The following ADGRV1 variants were observed in gnomAD, a reference collection of about 807,000 sequenced individuals.
The protein encoded by ADGRV1 is adhesion G protein-coupled receptor V1.
In ADGRV1, 359 loss-of-function variants were observed where a neutral mutation model predicts 596.2. That is an observed-to-expected ratio of 0.60 (90% CI 0.55 to 0.66). The LOEUF (loss-of-function observed/expected upper bound fraction) is 0.66, where lower values mean the gene tolerates loss of function less well. ADGRV1 is among the 30% of genes least tolerant of loss of function. ADGRV1 has a pLI of 0.00. For missense variants in ADGRV1, 7,274 were observed against 7,575.6 expected, an observed-to-expected ratio of 0.96 and a Z score of 1.48; for synonymous variants, 2,681 against 2,679.2, an observed-to-expected ratio of 1.00 and a Z score of -0.02.
Position 90,705,516 on chromosome 5 carries a change from G to A in ADGRV1, c.8503G>A (p.Val2835Met), listed in dbSNP as rs376761306. Reference sequence around the variant, plus strand: ...AAATTTTGCTCTTTCATCAAGATTTGTGTTACTACAAGAGGCTAACATAAC... The same window carrying A: ...AAATTTTGCTCTTTCATCAAGATTTATGTTACTACAAGAGGCTAACATAAC... ...VLNFALSSRF[V>M]LLQEANITIQ... Residue 2835 changes from valine (V) to methionine (M), a missense_variant, in exon 37 of 90, where the codon GTG becomes ATG. Around this residue, in one of 5 missense-constraint regions of ADGRV1, gnomAD observed 3,643 missense variants for 3,809.2 expected, o/e 0.96. Transcript: ENST00000405460. The A allele has an allele frequency of 1.9e-6, 3 of 1,613,796 alleles. No homozygotes were observed. Among genetic ancestry groups the A allele is most frequent in the Non-Finnish European group, 2.5e-6 (3 of 1,179,760 alleles).
chr5:90,766,175 C>T (rs1270219713), intron 59 of ADGRV1, among the ~76,000 whole-genome samples: 2 of 152,154 alleles, frequency 1.3e-5, no homozygotes, highest in Non-Finnish European at 2.9e-5. Context: ...TCCCAAAGTG[C>T]TGGGATTACA....
At chr5:91,107,704 T>C (rs943578353) in intron 87 of ADGRV1, among the ~76,000 whole-genome samples, 1 of 152,172 alleles carries the variant, frequency 6.6e-6, no homozygotes, top group Non-Finnish European at 1.5e-5. Flanking sequence ...AAGAAATGGA[T>C]TGCTTAGAGA....
At chr5:91,141,302 A>G (rs1454758670) in intron 87 of ADGRV1, among the ~76,000 whole-genome samples, 1 of 152,256 alleles carries the variant, frequency 6.6e-6, no homozygotes, top group Non-Finnish European at 1.5e-5. Flanking sequence ...CCCCTAAATT[A>G]TTAAGTAATT....
At chr5:91,013,167 G>A (rs1782863525) in intron 85 of ADGRV1, among the ~76,000 whole-genome samples, 1 of 151,990 alleles carries the variant, frequency 6.6e-6, no homozygotes, top group Admixed American at 6.6e-5. Context: ...TTGCCATTGT[G>A]AACAGTGCTG....
At chr5:90,996,762 G>T (rs972021383) in intron 85 of ADGRV1, among the ~76,000 whole-genome samples, 2 of 152,232 alleles carry the variant, frequency 1.3e-5, no homozygotes, top group East Asian at 1.9e-4. Flanking sequence ...ACCCTGCAGA[G>T]CACAGGGTCA....
intron 1 of ADGRV1, among the ~76,000 whole-genome samples, chr5:90,596,608 C>T (rs1267255125): frequency 1.3e-5 from 2 of 152,122 alleles, no homozygotes; most frequent in African/African-American, 2.4e-5. Context: ...GCCAACACAG[C>T]GAAACCCCGT....
intron 86 of ADGRV1, among the ~76,000 whole-genome samples, chr5:91,084,453 A>T (rs1789683977): frequency 6.6e-6 from 1 of 152,362 alleles, no homozygotes; most frequent in Non-Finnish European, 1.5e-5. Context: ...GAAGACATTT[A>T]TGTGGCCAAC....
intron 85 of ADGRV1, among the ~76,000 whole-genome samples, chr5:91,030,760 A>G (rs1341930562): frequency 6.6e-6 from 1 of 152,182 alleles, no homozygotes; most frequent in African/African-American, 2.4e-5. Context: ...GACAAGATTA[A>G]CTTCTAAAGT....
chr5:90,569,383 ATATATTTTTTTTTTTTTT>A (rs1280530964), intron 1 of ADGRV1, among the ~76,000 whole-genome samples: 5 of 17,430 alleles, frequency 2.9e-4, no homozygotes, highest in African/African-American at 1.3e-3. Context: ...ATATATATAT[ATATATTTTTTTTTTTTTT>A]TTTTTTTTTT....
chr5:91,124,307 T>G (rs1333272152), intron 87 of ADGRV1, among the ~76,000 whole-genome samples: 1 of 152,178 alleles, frequency 6.6e-6, no homozygotes, highest in East Asian at 1.9e-4. Flanking sequence ...TCTATTGTGT[T>G]TATTATCTGG....
At chr5:90,605,413 TAAA>T (rs59423334) in intron 1 of ADGRV1, among the ~76,000 whole-genome samples, 4 of 137,422 alleles carry the variant, frequency 2.9e-5, no homozygotes, top group African/African-American at 2.6e-5. Flanking sequence ...GACTACGTCT[TAAA>T]AAAAAAAAAA....
At chr5:90,863,372 C>G (rs1767788552) in intron 82 of ADGRV1, among the ~76,000 whole-genome samples, 2 of 152,146 alleles carry the variant, frequency 1.3e-5, no homozygotes, top group Non-Finnish European at 2.9e-5. Context: ...GAGAAAATAG[C>G]ACACTTTCTT....
intron 41 of ADGRV1, 78 bp downstream of exon 41, chr5:90,711,400 A>G: frequency 9.3e-7 from 1 of 1,070,412 alleles, no homozygotes; most frequent in Non-Finnish European, 1.3e-6. Flanking sequence ...ACAGTGATTT[A>G]GGTCCCATAT....
intron 59 of ADGRV1, among the ~76,000 whole-genome samples, chr5:90,764,299 AC>A (rs940831141): frequency 1.8e-4 from 28 of 152,176 alleles, no homozygotes. Context: ...AAGCAACTTC[AC>A]AACTTGTCTG....
At chr5:90,642,178 T>C (rs542463302) in intron 11 of ADGRV1, among the ~76,000 whole-genome samples, 5 of 152,310 alleles carry the variant, frequency 3.3e-5, no homozygotes, top group African/African-American at 9.6e-5. Context: ...ATGTGCTCTA[T>C]TCAGTTAGTA....
At chr5:90,972,090 C>G (rs573998410) in intron 84 of ADGRV1, among the ~76,000 whole-genome samples, 1 of 152,030 alleles carries the variant, frequency 6.6e-6, no homozygotes, top group East Asian at 1.9e-4. Context: ...CAATAAAGCT[C>G]AAAAGAGACA....
At chr5:90,857,486 A>G (rs1405746368) in intron 82 of ADGRV1, among the ~76,000 whole-genome samples, 1 of 152,214 alleles carries the variant, frequency 6.6e-6, no homozygotes, top group Non-Finnish European at 1.5e-5. Context: ...CTGGAGAATC[A>G]TTAATAAATA....
At chr5:91,026,084 A>T (rs923251704) in intron 85 of ADGRV1, among the ~76,000 whole-genome samples, 9 of 152,172 alleles carry the variant, frequency 5.9e-5, no homozygotes, top group Non-Finnish European at 7.3e-5. Context: ...CAAAAAAATT[A>T]CATACAATTA....
intron 74 of ADGRV1, among the ~76,000 whole-genome samples, chr5:90,812,867 C>T (rs1187732844): frequency 6.6e-6 from 1 of 151,888 alleles, no homozygotes; most frequent in African/African-American, 2.4e-5. Context: ...CACGGTGGCT[C>T]ACACCTGTAA....
Sources: allele counts gnomAD v4.1 joint callset (sites outside exome capture counted in the v4.1 genomes callset), GRCh38; gene constraint gnomAD v4.1.1; regional missense constraint gnomAD v4.1.1; transcripts MANE v1.5; gene names NCBI Gene and HGNC (gene_info 2026-07-23, HGNC 2026-07-21).